The following CMC2 variants were observed in gnomAD, a reference collection of about 807,000 sequenced individuals.
CMC2 encodes C-X9-C motif containing 2.
A neutral mutation model predicts 7.5 loss-of-function variants in CMC2; 5 were observed. That is an observed-to-expected ratio of 0.66 (90% CI 0.35 to 1.40). CMC2 has a LOEUF of 1.40. CMC2 is among the 40% of genes most tolerant of loss of function. The pLI is 0.04. For missense variants in CMC2, 115 were observed against 92.3 expected, an observed-to-expected ratio of 1.25 and a Z score of -1.01; for synonymous variants, 37 against 31.4, an observed-to-expected ratio of 1.18 and a Z score of -0.60.
Position 80,997,430 on chromosome 16 carries a change from C to G in CMC2, c.-35-1G>C, listed in dbSNP as rs747862051. On this transcript the variant is annotated splice_acceptor_variant, in intron 1 of 3. Coordinates refer to ENST00000219400, the MANE Select transcript of CMC2 (RefSeq NM_020188.5). LOFTEE classifies it low-confidence loss of function (5UTR_SPLICE). ...TGAGGATGGATCACAGCAGTGCAAC[C>G]TGTGGATACAAGAGTGTCTTGAATA... is the stretch of plus-strand genomic sequence containing the variant. 6.6e-7 allele frequency: 1 copy of G among 1,516,850 alleles called. No homozygotes were observed. The highest frequency in any genetic ancestry group is 1.1e-5 in the South Asian group (1 of 88,990). 94.0% of individuals were successfully genotyped at this position (1,516,850 alleles called of 1,614,324 possible). A position where few individuals can be genotyped will look rare whatever the true frequency, so the allele number is the denominator to read the frequency against.
Position 81,006,756 on chromosome 16 carries a change from G to C in CMC2, c.-58C>G. On this transcript the variant is annotated 5_prime_UTR_variant, in exon 1 of 4. Coordinates refer to ENST00000219400, the MANE Select transcript of CMC2 (RefSeq NM_020188.5). ...CACCCGACTCGTGGCCACACCGGGAGAACTGAAGCGGCAGTAGCCGGCGGA... is the reference window on the plus strand; with the variant it reads ...CACCCGACTCGTGGCCACACCGGGACAACTGAAGCGGCAGTAGCCGGCGGA... 1 of 985,730 alleles carries C rather than the reference G, an allele frequency of 1.0e-6. No homozygotes were observed. Among genetic ancestry groups the C allele is most frequent in the Non-Finnish European group, 1.2e-6 (1 of 830,172 alleles). The allele number at this position is 985,730 out of a possible 1,614,324, so 61.1% of individuals were successfully genotyped here. A position where few individuals can be genotyped will look rare whatever the true frequency, so the allele number is the denominator to read the frequency against.
intron 2 of CMC2, among the ~76,000 whole-genome samples, chr16:80,994,687 T>A (rs73591233): frequency 0.024 from 3,651 of 152,296 alleles, 134 homozygotes; most frequent in African/African-American, 0.083. Flanking sequence ...AAAAAGTTTA[T>A]AATATTAGGC....
rs1478520715 is a variant in CMC2, at chr16:80,974,302, G to A, written c.*1791C>T. ...ACAAAAACCTAATTGCTCTCCTTGG[G>A]CGTTATCTTCCTTCCCCTCCAATTT... On this transcript the variant is annotated 3_prime_UTR_variant, in exon 4 of 4. Coordinates refer to ENST00000219400, the MANE Select transcript of CMC2 (RefSeq NM_020188.5). 1.3e-5 allele frequency: 2 copies of A among 152,046 alleles called. No individual in the cohort carries two copies. Among genetic ancestry groups the A allele is most frequent in the East Asian group, 3.9e-4 (2 of 5,188 alleles). The allele number at this position is 152,046 out of a possible 1,614,324, so 9.4% of individuals were successfully genotyped here.
intron 2 of CMC2, chr16:80,988,557 T>G (rs942324283): frequency 1.4e-6 from 1 of 702,042 alleles, no homozygotes; most frequent in Non-Finnish European, 2.6e-6. Context: ...CCCGAGCTTT[T>G]CTTCTGAACC....
chr16:80,986,840 G>A (rs904854895), intron 2 of CMC2, among the ~76,000 whole-genome samples: 2 of 152,242 alleles, frequency 1.3e-5, no homozygotes, highest in Non-Finnish European at 1.5e-5. Flanking sequence ...CTATCTAGCT[G>A]AGATAAACCT....
intron 3 of CMC2, among the ~76,000 whole-genome samples, chr16:80,980,022 G>A (rs974089573): frequency 6.7e-6 from 1 of 150,096 alleles, no homozygotes; most frequent in Non-Finnish European, 1.5e-5. Flanking sequence ...GGGCTCAAGC[G>A]ATCCTCCCGC....
chr16:80,976,848 C>A (rs1236567311), intron 3 of CMC2, among the ~76,000 whole-genome samples: 1 of 152,188 alleles, frequency 6.6e-6, no homozygotes, highest in Non-Finnish European at 1.5e-5. Context: ...CTGAACATTG[C>A]TAGTTTCCAC....
At chr16:80,999,880 A>C (rs569256215) in intron 1 of CMC2, among the ~76,000 whole-genome samples, 2 of 152,356 alleles carry the variant, frequency 1.3e-5, no homozygotes, top group African/African-American at 4.8e-5. Flanking sequence ...CCTACCTTTC[A>C]TCATATACAA....
chr16:80,997,183 T>C (rs1373034429), intron 2 of CMC2, 131 bp downstream of exon 2: 1 of 655,448 alleles, frequency 1.5e-6, no homozygotes. Flanking sequence ...TATCAACTGC[T>C]AATCTTGACT....
Position 80,986,596 on chromosome 16 carries a change from A to G in CMC2, c.82-4719T>C, listed in dbSNP as rs910662947. ...GAAGTCCTTTACAGGTGGCCCCAATAAAAGTGTTGCCATGGACTATGGCAG... is the reference window on the plus strand; with the variant it reads ...GAAGTCCTTTACAGGTGGCCCCAATGAAAGTGTTGCCATGGACTATGGCAG... On this transcript the variant is annotated intron_variant, in intron 2 of 3. Coordinates refer to ENST00000219400, the MANE Select transcript of CMC2 (RefSeq NM_020188.5). Among the ~76,000 whole-genome samples, 4 of 152,350 alleles carry G rather than the reference A, an allele frequency of 2.6e-5. No individual in the cohort carries two copies. The East Asian group carries it at 7.7e-4, about 29-fold the overall frequency.
At chr16:80,999,693 G>C (rs1056629437) in intron 1 of CMC2, among the ~76,000 whole-genome samples, 1 of 152,160 alleles carries the variant, frequency 6.6e-6, no homozygotes. Flanking sequence ...AAATCAGCAA[G>C]CTTCTCCTAC....
chr16:80,997,293 G>T, intron 2 of CMC2, 21 bp downstream of exon 2: 1 of 1,275,064 alleles, frequency 7.8e-7, no homozygotes, highest in Non-Finnish European at 1.1e-6. Flanking sequence ...TGGCTGTACA[G>T]TCGTTTTTCT....
intron 2 of CMC2, among the ~76,000 whole-genome samples, chr16:80,992,509 A>C (rs1968080834): frequency 6.6e-6 from 1 of 152,216 alleles, no homozygotes; most frequent in African/African-American, 2.4e-5. Flanking sequence ...TGCCAACAGA[A>C]TGCGCTGTCA....
In CMC2 at chr16:80,968,287, C is replaced by G. The variant is rs1277874929; in HGVS notation, c.*7806G>C. On this transcript the variant is annotated 3_prime_UTR_variant, in exon 4 of 4. Coordinates refer to ENST00000219400, the MANE Select transcript of CMC2 (RefSeq NM_020188.5). ...GTCTTACTATGTTGCCCAAGCTGGT[C>G]TTGAACTCCCTGGCCTCAAGCAATT... 6.6e-6 allele frequency: 1 copy of G among 152,198 alleles called. No homozygotes were observed. The highest frequency in any genetic ancestry group is 1.5e-5 in the Non-Finnish European group (1 of 68,096). 9.4% of individuals were successfully genotyped at this position (152,198 alleles called of 1,614,324 possible). A position where few individuals can be genotyped will look rare whatever the true frequency, so the allele number is the denominator to read the frequency against.
intron 2 of CMC2, among the ~76,000 whole-genome samples, chr16:80,994,391 C>G (rs1968243197): frequency 6.7e-6 from 1 of 149,796 alleles, no homozygotes; most frequent in Admixed American, 6.7e-5. Context: ...AAGACTTCAT[C>G]AAATGTACAA....
intron 3 of CMC2, 98 bp downstream of exon 3, chr16:80,981,707 TA>T: frequency 1.3e-6 from 1 of 747,150 alleles, no homozygotes; most frequent in East Asian, 2.8e-5. Context: ...TCTGTTACAC[TA>T]AAATGTGGGA....
intron 2 of CMC2, chr16:80,983,458 T>C (rs1268870752): frequency 6.6e-6 from 1 of 152,222 alleles, no homozygotes; most frequent in African/African-American, 2.4e-5. Context: ...AAAGACAGTA[T>C]AAAAGTTTTA....
rs1040777430 is a variant in CMC2, at chr16:80,974,496, C to T, written c.*1597G>A. On this transcript the variant is annotated 3_prime_UTR_variant, in exon 4 of 4. Coordinates refer to ENST00000219400, the MANE Select transcript of CMC2 (RefSeq NM_020188.5). ...AGATTTCAAAGCTGTCTATGATCTT[C>T]CTCCACTCTAAGCTCCCATATTCTA... 1 of 150,876 alleles carries T rather than the reference C, an allele frequency of 6.6e-6. No individual in the cohort carries two copies. Among genetic ancestry groups the T allele is most frequent in the African/African-American group, 2.5e-5 (1 of 40,164 alleles). The allele number at this position is 150,876 out of a possible 1,614,324, so 9.3% of individuals were successfully genotyped here.
At chr16:81,005,476 T>G (rs1335245611) in intron 1 of CMC2, among the ~76,000 whole-genome samples, 2 of 107,746 alleles carry the variant, frequency 1.9e-5, no homozygotes, top group Non-Finnish European at 4.5e-5. Context: ...GGCCTACATT[T>G]CGGCCCTGGT....
Sources: gnomAD v4.1 joint callset for allele counts (sites outside exome capture counted in the v4.1 genomes callset) on GRCh38, gnomAD v4.1.1 for gene constraint, MANE v1.5 for transcripts, NCBI Gene and HGNC (gene_info 2026-07-23, HGNC 2026-07-21) for gene names.